The following GALNTL6 variants were observed in gnomAD, a reference collection of about 807,000 sequenced individuals.
The protein encoded by GALNTL6 is polypeptide N-acetylgalactosaminyltransferase like 6, also known as polypeptide N-acetylgalactosaminyltransferase-like 6.
A neutral mutation model predicts 73.7 loss-of-function variants in GALNTL6; 46 were observed. The observed-to-expected ratio is 0.62, with a 90% CI of 0.49 to 0.80. GALNTL6 has a LOEUF of 0.80. Ranked by LOEUF, GALNTL6 falls within the 30% of genes least tolerant of loss-of-function variation. The pLI is 0.00. For missense variants in GALNTL6, 604 were observed against 755.0 expected (o/e 0.80, Z 2.34); for synonymous variants, 259 against 263.7 (o/e 0.98, Z 0.17).
intron 5 of GALNTL6, among the ~76,000 whole-genome samples, chr4:172,437,563 A>G (rs555049104): frequency 2.0e-5 from 3 of 152,270 alleles, no homozygotes; most frequent in East Asian, 1.9e-4. Context: ...TTCTTGTCCT[A>G]TTAGCCAACA....
intron 7 of GALNTL6, among the ~76,000 whole-genome samples, chr4:172,848,188 AC>A (rs2111102033): frequency 6.6e-6 from 1 of 152,134 alleles, no homozygotes; most frequent in East Asian, 1.9e-4. Context: ...CGTGTACATG[AC>A]CCTGAAAACC....
Position 172,034,247 on chromosome 4 carries a change from C to G in GALNTL6, c.139-195409C>G, listed in dbSNP as rs1741859075. ...TCAAAGTGCTCTGTAGCGCCCTCTA[C>G]TGTCTGGGCTGTGTACCAACTCAGA... On this transcript the variant is annotated intron_variant, in intron 2 of 12. Transcript: ENST00000506823. Among the ~76,000 whole-genome samples, 7 of 152,090 alleles carry G rather than the reference C, an allele frequency of 4.6e-5. No homozygotes were observed. The South Asian group carries it at 1.4e-3, about 31-fold the overall frequency.
chr4:172,759,287 C>T lies in GALNTL6; in HGVS notation c.554-50074C>T, dbSNP rs150369850. The stretch of plus-strand genomic sequence containing the variant: ...CTATTAGCCAATTCTCCTTTGGGTG[C>T]ATGGTGGATGAAATTCTCTGCCCTT... On this transcript the variant is annotated intron_variant, in intron 5 of 12. Coordinates refer to ENST00000506823, the MANE Select transcript of GALNTL6 (RefSeq NM_001034845.3). 1.9e-4 allele frequency among the ~76,000 whole-genome samples: 29 copies of T among 152,324 alleles called. No homozygotes were observed. In the East Asian group the frequency reaches 5.2e-3, roughly 27 times the overall value.
At chr4:171,814,794 G>T in intron 2 of GALNTL6, 76 bp downstream of exon 2, 2 of 1,472,648 alleles carry the variant, frequency 1.4e-6, no homozygotes, top group East Asian at 2.3e-5. Context: ...GAGAAAGCCG[G>T]TGTGGGATCG....
chr4:171,989,604 A>G (rs1442338283), intron 2 of GALNTL6, among the ~76,000 whole-genome samples: 3 of 152,180 alleles, frequency 2.0e-5, no homozygotes, highest in African/African-American at 7.2e-5. Flanking sequence ...CAGTGGAGGC[A>G]AGGAATTGCA....
chr4:172,733,703 G>A (rs1736285048), intron 5 of GALNTL6, among the ~76,000 whole-genome samples: 1 of 152,160 alleles, frequency 6.6e-6, no homozygotes, highest in African/African-American at 2.4e-5. Context: ...ATGTGCCTTT[G>A]CTCCTCCTTC....
chr4:171,960,367 C>A (rs1739184895), intron 2 of GALNTL6, among the ~76,000 whole-genome samples: 1 of 152,058 alleles, frequency 6.6e-6, no homozygotes, highest in African/African-American at 2.4e-5. Context: ...ACCTCTGCCT[C>A]CCAGGTTCAA....
intron 2 of GALNTL6, among the ~76,000 whole-genome samples, chr4:171,953,571 A>C (rs365185): frequency 0.95 from 144,856 of 152,126 alleles, 69,341 homozygotes; most frequent in East Asian, 1. Flanking sequence ...CTCCTTAAAG[A>C]AAATTACAGA....
At chr4:172,727,133 C>A (rs760955347) in intron 5 of GALNTL6, among the ~76,000 whole-genome samples, 24 of 152,146 alleles carry the variant, frequency 1.6e-4, no homozygotes, top group Non-Finnish European at 3.4e-4. Flanking sequence ...TAGTAAAATT[C>A]TTTTCTCTCA....
chr4:173,017,415 C>A (rs1752826420), intron 11 of GALNTL6, among the ~76,000 whole-genome samples: 1 of 152,110 alleles, frequency 6.6e-6, no homozygotes, highest in South Asian at 2.1e-4. Flanking sequence ...TTACCCAAAG[C>A]AAACAATGAA....
intron 5 of GALNTL6, among the ~76,000 whole-genome samples, chr4:172,475,046 T>C (rs1395435413): frequency 6.6e-6 from 1 of 152,244 alleles, no homozygotes; most frequent in Non-Finnish European, 1.5e-5. Context: ...AGTGTAATTT[T>C]ATTTATTGAT....
At chr4:173,011,763 A>C (rs1752564261) in intron 11 of GALNTL6, among the ~76,000 whole-genome samples, 1 of 152,198 alleles carries the variant, frequency 6.6e-6, no homozygotes, top group South Asian at 2.1e-4. Flanking sequence ...AAAACATTTC[A>C]TTGCAACTCA....
intron 10 of GALNTL6, among the ~76,000 whole-genome samples, chr4:172,996,747 C>T (rs566691355): frequency 6.6e-6 from 1 of 152,200 alleles, no homozygotes; most frequent in African/African-American, 2.4e-5. Flanking sequence ...GTGATGTACC[C>T]CTGGCTGTTG....
chr4:172,722,258 TAAATGGG>T (rs1272982934), intron 5 of GALNTL6, among the ~76,000 whole-genome samples: 6 of 152,208 alleles, frequency 3.9e-5, no homozygotes, highest in Admixed American at 2.0e-4. Flanking sequence ...AAATATACTC[TAAATGGG>T]GGTTCCATTT....
At position 173,040,360 on chromosome 4, in the gene GALNTL6, TTTCAAAA is replaced by T. The variant is rs941744320; in HGVS notation, c.*261_*267del. 5 of 434,860 alleles carry T rather than the reference TTTCAAAA, an allele frequency of 1.1e-5. No homozygotes were observed. The highest frequency in any genetic ancestry group is 2.0e-5 in the Non-Finnish European group (5 of 245,396). The allele number at this position is 434,860 out of a possible 1,614,324, so 26.9% of individuals were successfully genotyped here. ...CAAGGGCAAAGATAATTTAGGGACT[TTTCAAAA>T]CAACTGCTGAGCTAATAAATCCTAG... On this transcript the variant is annotated 3_prime_UTR_variant, in exon 13 of 13. Transcript: ENST00000506823.
chr4:172,801,892 A>G (rs1339156410), intron 5 of GALNTL6, among the ~76,000 whole-genome samples: 1 of 151,940 alleles, frequency 6.6e-6, no homozygotes, highest in Non-Finnish European at 1.5e-5. Context: ...TCCTCAGCCT[A>G]CCCAACATGA....
intron 2 of GALNTL6, among the ~76,000 whole-genome samples, chr4:171,979,853 A>G (rs967665974): frequency 6.6e-6 from 1 of 152,090 alleles, no homozygotes; most frequent in East Asian, 1.9e-4. Context: ...CATAAATACT[A>G]TCTTTGTATT....
At chr4:172,680,834 C>T (rs912371562) in intron 5 of GALNTL6, among the ~76,000 whole-genome samples, 1 of 152,170 alleles carries the variant, frequency 6.6e-6, no homozygotes, top group African/African-American at 2.4e-5. Context: ...TGATTCCCTG[C>T]AGAATGCAAG....
At chr4:172,307,295 C>CTCTGTTGGTTT (rs996222455) in intron 3 of GALNTL6, among the ~76,000 whole-genome samples, 1 of 152,116 alleles carries the variant, frequency 6.6e-6, no homozygotes, top group African/African-American at 2.4e-5. Flanking sequence ...TGTTTTCCCA[C>CTCTGTTGGTTT]TCTGTTGGTT....
Sources: allele counts gnomAD v4.1 joint callset (sites outside exome capture counted in the v4.1 genomes callset), GRCh38; gene constraint gnomAD v4.1.1; transcripts MANE v1.5; gene names NCBI Gene and HGNC (gene_info 2026-07-23, HGNC 2026-07-21).